TANK: variants seen among roughly 807,000 people sequenced by gnomAD.
TANK encodes the protein TRAF family member-associated NF-kappa-B activator.
In TANK, 15 loss-of-function variants were observed where a neutral mutation model predicts 43.6. The observed-to-expected ratio is 0.34, with a 90% CI of 0.23 to 0.53. The LOEUF is 0.53. Among genes scored for constraint, TANK ranks in the 20% least tolerant of loss-of-function variants. The pLI, the probability that TANK is intolerant of heterozygous loss-of-function variation, is 0.94. For synonymous variants in TANK, 162 were observed against 178.2 expected, an observed-to-expected ratio of 0.91 and a Z score of 0.73; for missense variants, 417 against 498.6, an observed-to-expected ratio of 0.84 and a Z score of 1.56.
chr2:161,174,508 A>T (rs1381506621), intron 1 of TANK, among the ~76,000 whole-genome samples: 1 of 152,214 alleles, frequency 6.6e-6, no homozygotes, highest in Non-Finnish European at 1.5e-5. Context: ...AAGACAAAGC[A>T]GCTACTGTTT....
At chr2:161,210,356 C>G (rs1686824546) in intron 4 of TANK, among the ~76,000 whole-genome samples, 1 of 152,070 alleles carries the variant, frequency 6.6e-6, no homozygotes, top group Non-Finnish European at 1.5e-5. Flanking sequence ...TAGTCATTAA[C>G]AGAAATACAA....
chr2:161,215,968 C>A (rs1300820865), intron 4 of TANK, among the ~76,000 whole-genome samples: 1 of 152,114 alleles, frequency 6.6e-6, no homozygotes, highest in Non-Finnish European at 1.5e-5. Context: ...TCCACACATT[C>A]TGCATTGTCA....
intron 1 of TANK, among the ~76,000 whole-genome samples, chr2:161,172,345 T>G (rs1408228685): frequency 1.3e-5 from 2 of 149,676 alleles, no homozygotes; most frequent in Non-Finnish European, 3.0e-5. Context: ...AAAAATGTAG[T>G]TTTTTTCGGC....
intron 2 of TANK, among the ~76,000 whole-genome samples, chr2:161,188,085 A>T (rs1289982893): frequency 6.6e-6 from 1 of 152,172 alleles, no homozygotes; most frequent in East Asian, 1.9e-4. Context: ...TTTAGCTGTA[A>T]ATGCATGTAT....
chr2:161,186,029 A>G (rs1685648263), intron 2 of TANK, among the ~76,000 whole-genome samples: 2 of 152,154 alleles, frequency 1.3e-5, no homozygotes, highest in South Asian at 4.1e-4. Flanking sequence ...AATTAGCTGG[A>G]CATGGTGGTA....
chr2:161,174,112 T>G (rs1375766024), intron 1 of TANK, among the ~76,000 whole-genome samples: 1 of 152,200 alleles, frequency 6.6e-6, no homozygotes, highest in Non-Finnish European at 1.5e-5. Context: ...GAAGTTTTAC[T>G]TAATTTTTAC....
chr2:161,170,969 T>G (rs1166278841), intron 1 of TANK, among the ~76,000 whole-genome samples: 2 of 152,274 alleles, frequency 1.3e-5, no homozygotes, highest in Non-Finnish European at 1.5e-5. Context: ...GTTAAAAATA[T>G]CATTTGCAAT....
At chr2:161,140,766 T>C (rs987923502) in intron 1 of TANK, among the ~76,000 whole-genome samples, 1 of 152,174 alleles carries the variant, frequency 6.6e-6, no homozygotes, top group South Asian at 2.1e-4. Flanking sequence ...AAGTTTTTAA[T>C]TGAAGTTTTA....
chr2:161,198,890 G>A (rs983016028), intron 2 of TANK, among the ~76,000 whole-genome samples: 2 of 152,162 alleles, frequency 1.3e-5, no homozygotes, highest in African/African-American at 4.8e-5. Flanking sequence ...ACTGGAGGGT[G>A]GGAACGTACA....
chr2:161,186,629 G>C (rs1248490874), intron 2 of TANK, among the ~76,000 whole-genome samples: 1 of 152,250 alleles, frequency 6.6e-6, no homozygotes, highest in East Asian at 1.9e-4. Flanking sequence ...ACATCTGTCT[G>C]GGCAAAGATA....
rs1000918238 is a variant in TANK, at chr2:161,207,835, A to C, written c.327+3042A>C. On this transcript the variant is annotated intron_variant, in intron 4 of 7. Coordinates refer to ENST00000392749, the MANE Select transcript of TANK (RefSeq NM_001199135.3). ...CAGTTTTTTAAAAGTATGCACCCAC[A>C]TGGATGAGAACTGGAAGGCATTATA... The C allele has an allele frequency of 1.5e-5, 15 of 985,232 alleles. No individual in the cohort carries two copies. In the African/African-American group the frequency reaches 2.6e-4, roughly 17 times the overall value. 61.0% of individuals were successfully genotyped at this position (985,232 alleles called of 1,614,324 possible).
intron 2 of TANK, among the ~76,000 whole-genome samples, chr2:161,193,199 A>T (rs1685997339): frequency 6.6e-6 from 1 of 152,248 alleles, no homozygotes; most frequent in Non-Finnish European, 1.5e-5. Flanking sequence ...ATGTGTAAGC[A>T]TTCATACATA....
intron 7 of TANK, 24 bp downstream of exon 7, chr2:161,231,575 ATAT>A: frequency 2.5e-6 from 4 of 1,592,190 alleles, no homozygotes; most frequent in South Asian, 2.2e-5. Flanking sequence ...ATTAACAAAT[ATAT>A]TATTATGTGT....
At chr2:161,201,896 T>C (rs3769975) in intron 2 of TANK, among the ~76,000 whole-genome samples, 16,703 of 152,196 alleles carry the variant, frequency 0.11, 1,637 homozygotes, top group African/African-American at 0.25. Context: ...CAGGTAGACC[T>C]ACATGATTCA....
intron 1 of TANK, among the ~76,000 whole-genome samples, chr2:161,172,701 T>C (rs974618204): frequency 6.6e-6 from 1 of 152,128 alleles, no homozygotes; most frequent in African/African-American, 2.4e-5. Flanking sequence ...CCTGAGGCGC[T>C]TTGCTAACTA....
chr2:161,212,055 T>C (rs1686914550), intron 4 of TANK: 9 of 810,028 alleles, frequency 1.1e-5, no homozygotes, highest in Non-Finnish European at 1.2e-5. Flanking sequence ...AGAGTCATAA[T>C]ACATAAACTT....
intron 1 of TANK, among the ~76,000 whole-genome samples, chr2:161,149,790 G>C (rs1172150563): frequency 6.6e-6 from 1 of 150,906 alleles, no homozygotes. Context: ...ATTGCCCGAA[G>C]TGATTTTCTT....
intron 1 of TANK, among the ~76,000 whole-genome samples, chr2:161,146,563 G>T (rs1195190284): frequency 6.6e-6 from 1 of 152,114 alleles, no homozygotes; most frequent in Non-Finnish European, 1.5e-5. Context: ...TCTTTCAAAG[G>T]TCAGGTCTCT....
At chr2:161,206,542 T>A (rs1049417183) in intron 4 of TANK, among the ~76,000 whole-genome samples, 1 of 152,116 alleles carries the variant, frequency 6.6e-6, no homozygotes, top group African/African-American at 2.4e-5. Flanking sequence ...AATTTTAGAA[T>A]AAGAAGTTCT....
Sources: gnomAD v4.1 joint callset for allele counts (sites outside exome capture counted in the v4.1 genomes callset) on GRCh38, gnomAD v4.1.1 for gene constraint, MANE v1.5 for transcripts, NCBI Gene and HGNC (gene_info 2026-07-23, HGNC 2026-07-21) for gene names.